UBE2K: variants seen among roughly 807,000 people sequenced by gnomAD.
UBE2K encodes the protein ubiquitin conjugating enzyme E2 K, also known as ubiquitin-conjugating enzyme E2 K.
A neutral mutation model predicts 30.0 loss-of-function variants in UBE2K; 6 were observed. That is an observed-to-expected ratio of 0.20 (90% confidence interval 0.11 to 0.39). The LOEUF (loss-of-function observed/expected upper bound fraction) is 0.39. Among genes scored for constraint, UBE2K ranks in the 10% least tolerant of loss-of-function variants. UBE2K has a pLI of 1.00. For synonymous variants in UBE2K, 86 were observed against 83.7 expected, an observed-to-expected ratio of 1.03 and a Z score of -0.15; for missense variants, 61 against 241.6, an observed-to-expected ratio of 0.25 and a Z score of 4.96.
At chr4:39,717,048 C>T (rs1480392355) in intron 1 of UBE2K, among the ~76,000 whole-genome samples, 1 of 149,560 alleles carries the variant, frequency 6.7e-6, no homozygotes, top group African/African-American at 2.5e-5. Flanking sequence ...CATCAGTAGT[C>T]CTAAACTACT....
chr4:39,770,321 C>T lies in UBE2K; in HGVS notation c.300-4513C>T, dbSNP rs1176349697. The T allele has an allele frequency of 4.0e-5, 64 of 1,613,004 alleles. No individual in the cohort carries two copies. The Middle Eastern group carries it at 5.1e-4, about 13-fold the overall frequency. ...ACGAGTGTGACTTGACACCACGATG[C>T]ACGTTCCTGTGGTGGTTGAGGTTGT... On this transcript the variant is annotated intron_variant, in intron 4 of 6. Coordinates refer to ENST00000261427, the MANE Select transcript of UBE2K (RefSeq NM_005339.5).
intron 5 of UBE2K, 66 bp from the exon 6 acceptor site, chr4:39,777,616 A>G: frequency 7.2e-7 from 1 of 1,383,558 alleles, no homozygotes; most frequent in Non-Finnish European, 9.6e-7. Flanking sequence ...GTAGGCGATT[A>G]AGAGCTGAAA....
chr4:39,758,824 G>T (rs1711671658), intron 4 of UBE2K, among the ~76,000 whole-genome samples: 2 of 152,194 alleles, frequency 1.3e-5, no homozygotes, highest in African/African-American at 2.4e-5. Flanking sequence ...TGTATATATA[G>T]AGAGAGAAGT....
At chr4:39,753,341 C>T (rs1721366142) in intron 3 of UBE2K, among the ~76,000 whole-genome samples, 1 of 150,366 alleles carries the variant, frequency 6.7e-6, no homozygotes, top group Non-Finnish European at 1.5e-5. Context: ...AGCAGTGAGA[C>T]CTTCTCTGGG....
chr4:39,780,758 T>G lies in UBE2K; in HGVS notation c.*2324T>G, dbSNP rs1272395926. On this transcript the variant is annotated 3_prime_UTR_variant, in exon 7 of 7. Transcript: ENST00000261427. Reference sequence around the variant, plus strand: ...GTTATTCTCTTGTCTGTGGGTAGATTTAGTTACCCAAACATAGAAACTAAA... The same window carrying G: ...GTTATTCTCTTGTCTGTGGGTAGATGTAGTTACCCAAACATAGAAACTAAA... The G allele has an allele frequency of 6.6e-6, 1 of 152,112 alleles. No homozygotes were observed. Among genetic ancestry groups the G allele is most frequent in the Non-Finnish European group, 1.5e-5 (1 of 67,968 alleles). The allele number at this position is 152,112 out of a possible 1,614,324, so 9.4% of individuals were successfully genotyped here. A position where few individuals can be genotyped will look rare whatever the true frequency, so the allele number is the denominator to read the frequency against.
intron 2 of UBE2K, among the ~76,000 whole-genome samples, chr4:39,745,091 C>G (rs1466758690): frequency 2.0e-5 from 3 of 152,052 alleles, no homozygotes; most frequent in Non-Finnish European, 4.4e-5. Context: ...AAACTCCTGG[C>G]CTAGCTTTAA....
rs144031232 is a variant in UBE2K, at chr4:39,709,677, G to A, written c.63+11287G>A. Among the ~76,000 whole-genome samples the A allele has an allele frequency of 8.1e-3, 1,229 of 152,020 alleles. 22 individuals are homozygous for A. Among genetic ancestry groups the A allele is most frequent in the African/African-American group, 0.028 (1,166 of 41,496 alleles). On this transcript the variant is annotated intron_variant, in intron 1 of 6. Coordinates refer to ENST00000261427, the MANE Select transcript of UBE2K (RefSeq NM_005339.5). ...GAACGTGTCCCCTGTGGATAAGAGG[G>A]GATATATTAATACAAAGGAATATAT...
At chr4:39,705,099 G>A (rs779952261) in intron 1 of UBE2K, among the ~76,000 whole-genome samples, 9 of 149,090 alleles carry the variant, frequency 6.0e-5, no homozygotes, top group African/African-American at 1.2e-4. Flanking sequence ...GGTTTTTACC[G>A]TATTGGCCAG....
intron 4 of UBE2K, among the ~76,000 whole-genome samples, chr4:39,772,397 C>CAAAA (rs34937270): frequency 0.013 from 1,640 of 127,148 alleles, 43 homozygotes; most frequent in African/African-American, 0.047. Flanking sequence ...CTGTCTCTAC[C>CAAAA]AAAAAAAAAA....
chr4:39,710,639 G>A (rs1361083048), intron 1 of UBE2K, among the ~76,000 whole-genome samples: 2 of 152,028 alleles, frequency 1.3e-5, no homozygotes, highest in African/African-American at 2.4e-5. Context: ...TCCAACAGTT[G>A]CAGCTGTGAA....
Position 39,764,484 on chromosome 4 carries a change from G to T in UBE2K, c.299+8745G>T, listed in dbSNP as rs528794505. Among the ~76,000 whole-genome samples, 16 of 144,112 alleles carry T rather than the reference G, an allele frequency of 1.1e-4. No individual in the cohort carries two copies. In the East Asian group the frequency reaches 2.9e-3, roughly 26 times the overall value. The allele number at this position is 144,112 out of a possible 152,430, so 94.5% of individuals were successfully genotyped here. On this transcript the variant is annotated intron_variant, in intron 4 of 6. Coordinates refer to ENST00000261427, the MANE Select transcript of UBE2K (RefSeq NM_005339.5). ...CTGCCAGACATGGTTTTTCTCTGTC[G>T]CCTAGGCTGGAGTGCAGTGACAACG...
chr4:39,763,344 C>T lies in UBE2K; in HGVS notation c.299+7605C>T, dbSNP rs185191415. On this transcript the variant is annotated intron_variant, in intron 4 of 6. Transcript: ENST00000261427. ...TTGGCTCACTGCAACCTCCACCTCC[C>T]GGGTGCAAGTGATTCTCCTGCCTCA... Among the ~76,000 whole-genome samples the T allele has an allele frequency of 7.3e-5, 11 of 151,616 alleles. No homozygotes were observed. The East Asian group carries it at 1.9e-3, about 27-fold the overall frequency.
intron 5 of UBE2K, among the ~76,000 whole-genome samples, chr4:39,775,886 T>C (rs1713256685): frequency 6.6e-6 from 1 of 152,166 alleles, no homozygotes; most frequent in Non-Finnish European, 1.5e-5. Flanking sequence ...ATAGCTGTTC[T>C]TTGTTAGTTC....
chr4:39,729,163 G>T (rs1344870998), intron 1 of UBE2K, among the ~76,000 whole-genome samples: 2 of 151,798 alleles, frequency 1.3e-5, no homozygotes, highest in Non-Finnish European at 2.9e-5. Context: ...TAGAGGCGGG[G>T]TTTCACCATG....
chr4:39,747,458 T>C (rs1195685044), intron 3 of UBE2K, among the ~76,000 whole-genome samples: 1 of 152,228 alleles, frequency 6.6e-6, no homozygotes, highest in Non-Finnish European at 1.5e-5. Context: ...TCATTTTGTG[T>C]CTGGCTTATA....
chr4:39,703,429 C>T (rs188001038), intron 1 of UBE2K, among the ~76,000 whole-genome samples: 3 of 152,158 alleles, frequency 2.0e-5, no homozygotes, highest in African/African-American at 7.2e-5. Flanking sequence ...CTGGAGGATG[C>T]TTGAGCCCAT....
intron 3 of UBE2K, among the ~76,000 whole-genome samples, chr4:39,751,120 T>C (rs1485592400): frequency 1.3e-5 from 2 of 150,600 alleles, no homozygotes; most frequent in African/African-American, 4.9e-5. Flanking sequence ...TTTTTTTTTT[T>C]CAAATAGGGA....
chr4:39,713,198 G>C (rs1363989309), intron 1 of UBE2K, among the ~76,000 whole-genome samples: 1 of 150,186 alleles, frequency 6.7e-6, no homozygotes, highest in South Asian at 2.1e-4. Context: ...TTTAAAAATT[G>C]GATGGTTTGG....
chr4:39,710,639 G>T (rs1361083048), intron 1 of UBE2K, among the ~76,000 whole-genome samples: 1 of 152,146 alleles, frequency 6.6e-6, no homozygotes, highest in South Asian at 2.1e-4. Context: ...TCCAACAGTT[G>T]CAGCTGTGAA....
Sources: gnomAD v4.1 joint callset for allele counts (sites outside exome capture counted in the v4.1 genomes callset) on GRCh38, gnomAD v4.1.1 for gene constraint, MANE v1.5 for transcripts, NCBI Gene and HGNC (gene_info 2026-07-23, HGNC 2026-07-21) for gene names.